The following NUF2 variants were observed in gnomAD, a reference collection of about 807,000 sequenced individuals.
NUF2 encodes NUF2 component of NDC80 kinetochore complex.
NUF2 carries 34 observed loss-of-function variants against 61.8 expected under a neutral mutation model. The ratio of observed to expected loss-of-function variants is 0.55; its 90% CI spans 0.42 to 0.73. NUF2 has a LOEUF of 0.73. Among genes scored for constraint, NUF2 ranks in the 30% least tolerant of loss-of-function variants. The pLI is 0.00. For synonymous variants in NUF2, 172 were observed against 181.6 expected (o/e 0.95, Z 0.42); for missense variants, 445 against 539.1 (o/e 0.83, Z 1.73).
chr1:163,325,844 C>A (rs1012578127), intron 1 of NUF2, among the ~76,000 whole-genome samples, 188 bp from the exon 2 acceptor site: 1 of 152,074 alleles, frequency 6.6e-6, no homozygotes, highest in Non-Finnish European at 1.5e-5. Flanking sequence ...AACTGTGTCA[C>A]CTTAGAATAA....
intron 7 of NUF2, among the ~76,000 whole-genome samples, chr1:163,338,863 A>G (rs1346181681): frequency 6.6e-6 from 1 of 152,172 alleles, no homozygotes; most frequent in Non-Finnish European, 1.5e-5. Context: ...AACTGACAGG[A>G]AAAATGATAA....
intron 3 of NUF2, 186 bp downstream of exon 3, chr1:163,327,748 T>C: frequency 1.8e-6 from 1 of 554,820 alleles, no homozygotes; most frequent in Non-Finnish European, 3.2e-6. Flanking sequence ...CAATAATGGT[T>C]TATATCCATA....
At chr1:163,343,688 C>T (rs1651021238) in intron 9 of NUF2, 45 bp from the exon 10 acceptor site, 3 of 952,258 alleles carry the variant, frequency 3.2e-6, no homozygotes, top group African/African-American at 1.7e-5. Context: ...AATGGTAAAT[C>T]ACCAAGTTTA....
chr1:163,342,602 A>G (rs779122673), intron 9 of NUF2, among the ~76,000 whole-genome samples: 6 of 152,186 alleles, frequency 3.9e-5, no homozygotes, highest in Non-Finnish European at 7.4e-5. Context: ...GACAAATTAC[A>G]CAACACAGTA....
chr1:163,354,247 T>C lies in NUF2; in HGVS notation c.1261-1088T>C, dbSNP rs1651416854. On this transcript the variant is annotated intron_variant, in intron 13 of 13. Coordinates refer to ENST00000271452, the MANE Select transcript of NUF2 (RefSeq NM_145697.3). Reference sequence around the variant, plus strand: ...TAGTTGTAGTAATTTGATACCTGCTTAGATCTCAGAAATCTAAACACACTC... The same window carrying C: ...TAGTTGTAGTAATTTGATACCTGCTCAGATCTCAGAAATCTAAACACACTC... 2.6e-5 allele frequency among the ~76,000 whole-genome samples: 4 copies of C among 152,296 alleles called. No homozygotes were observed. The East Asian group carries it at 7.7e-4, about 29-fold the overall frequency.
chr1:163,323,271 T>A (rs1176702979), intron 1 of NUF2, among the ~76,000 whole-genome samples: 2 of 152,224 alleles, frequency 1.3e-5, no homozygotes, highest in Non-Finnish European at 2.9e-5. Flanking sequence ...CAGATGCAGC[T>A]TTTTTGGAAA....
rs748956968 is a variant in NUF2 at position 163,340,397 on chromosome 1, T to G, written c.640T>G (p.Ser214Ala). 6 of 1,611,272 alleles carry G rather than the reference T, an allele frequency of 3.7e-6. No individual in the cohort carries two copies. Among genetic ancestry groups the G allele is most frequent in the Non-Finnish European group, 5.1e-6 (6 of 1,178,764 alleles). The change falls in exon 9 of 14, where the codon TCA becomes GCA. Residue 214 changes from serine to alanine, a missense_variant. Ser to Ala is a moderately conservative substitution (Grantham distance 99). Coordinates refer to ENST00000271452, the MANE Select transcript of NUF2 (RefSeq NM_145697.3). ...GCAAGAGGGAAATTCCCAAAAGAAG[T>G]CAAATATTTCAGAGAAAACCAAGCG... ...VLQEGNSQKK[S>A]NISEKTKRLN...
chr1:163,334,952 G>GTT (rs201732124), intron 5 of NUF2, among the ~76,000 whole-genome samples: 1 of 125,106 alleles, frequency 8.0e-6, no homozygotes, highest in African/African-American at 2.6e-5. Flanking sequence ...GTCTTGTTTT[G>GTT]TTTTTTTTGT....
At chr1:163,345,579 A>G (rs1651095035) in intron 10 of NUF2, 99 bp from the exon 11 acceptor site, 1 of 1,060,562 alleles carries the variant, frequency 9.4e-7, no homozygotes, top group Admixed American at 2.4e-5. Context: ...AGGTTTCAGT[A>G]TTAAATGTGG....
intron 5 of NUF2, among the ~76,000 whole-genome samples, chr1:163,333,419 A>G (rs1270623799): frequency 6.6e-6 from 1 of 152,068 alleles, no homozygotes; most frequent in Non-Finnish European, 1.5e-5. Flanking sequence ...TATTATTGAT[A>G]TGATTGGGCT....
intron 5 of NUF2, among the ~76,000 whole-genome samples, chr1:163,331,290 T>G (rs951813904): frequency 1.3e-5 from 2 of 151,956 alleles, no homozygotes; most frequent in Admixed American, 1.3e-4. Flanking sequence ...GGTTTTCTCT[T>G]TTTTAATCTA....
Position 163,353,939 on chromosome 1 carries a change from A to G in NUF2, c.1261-1396A>G, listed in dbSNP as rs1395267314. Among the ~76,000 whole-genome samples the G allele has an allele frequency of 3.3e-5, 5 of 152,304 alleles. No individual in the cohort carries two copies. In the South Asian group the frequency reaches 1.0e-3, roughly 32 times the overall value. On this transcript the variant is annotated intron_variant, in intron 13 of 13. Transcript: ENST00000271452. The stretch of plus-strand genomic sequence containing the variant: ...GTATTTTGAAATGGTTGGTTCAGAT[A>G]CATACAGATTGTATATCTTAATTTA...
chr1:163,333,407 G>A (rs1650661664), intron 5 of NUF2, among the ~76,000 whole-genome samples: 1 of 151,832 alleles, frequency 6.6e-6, no homozygotes, highest in Non-Finnish European at 1.5e-5. Context: ...TACATTTAAT[G>A]TTATTATTGA....
At chr1:163,326,418 C>T (rs1650421614) in intron 2 of NUF2, among the ~76,000 whole-genome samples, 1 of 143,022 alleles carries the variant, frequency 7.0e-6, no homozygotes, top group South Asian at 2.3e-4. Flanking sequence ...AAAAAAAAAG[C>T]TTCTAAACCA....
intron 9 of NUF2, 73 bp downstream of exon 9, chr1:163,340,499 GTTA>G: frequency 9.9e-7 from 1 of 1,008,954 alleles, no homozygotes; most frequent in Non-Finnish European, 1.5e-6. Flanking sequence ...AGCTGTGTGT[GTTA>G]TTATGGGCAA....
At chr1:163,326,905 C>G (rs998212997) in intron 2 of NUF2, among the ~76,000 whole-genome samples, 1 of 152,046 alleles carries the variant, frequency 6.6e-6, no homozygotes, top group South Asian at 2.1e-4. Context: ...TAATGCTCAC[C>G]CAATAAACTT....
rs1302623670 is a variant in NUF2, at chr1:163,347,881, A to G, written c.1067A>G (p.Gln356Arg). Residue 356 changes from glutamine to arginine, a missense_variant, in exon 12 of 14, where the codon CAA (glutamine) becomes CGA (arginine). By Grantham distance (43) the Gln-to-Arg change is conservative. Transcript: ENST00000271452. ...IVKKEKLATAQFKINKKHEDV... is the reference protein window; with the variant it reads ...IVKKEKLATARFKINKKHEDV... ...AAGAAGGAAAAACTTGCCACAGCAC[A>G]ATTCAAAATAAATAAGAAGCATGAA... The G allele has an allele frequency of 6.2e-7, 1 of 1,608,524 alleles. No individual in the cohort carries two copies. Among genetic ancestry groups the G allele is most frequent in the Non-Finnish European group, 8.5e-7 (1 of 1,178,338 alleles).
chr1:163,341,548 A>AT (rs1276780073), intron 9 of NUF2, among the ~76,000 whole-genome samples: 1 of 151,692 alleles, frequency 6.6e-6, no homozygotes, highest in African/African-American at 2.4e-5. Context: ...AATTCTAGTG[A>AT]TTTTGTCCAT....
At chr1:163,346,852 C>T (rs1362844887) in intron 11 of NUF2, among the ~76,000 whole-genome samples, 2 of 113,760 alleles carry the variant, frequency 1.8e-5, no homozygotes, top group Non-Finnish European at 4.3e-5. Context: ...ATCTGAAAAG[C>T]ACACACACAC....
Sources: allele counts gnomAD v4.1 joint callset (sites outside exome capture counted in the v4.1 genomes callset), GRCh38; gene constraint gnomAD v4.1.1; transcripts MANE v1.5; gene names NCBI Gene and HGNC (gene_info 2026-07-23, HGNC 2026-07-21).